Variants in APOLD1 observed in about 807,000 individuals in gnomAD.
The protein encoded by APOLD1 is apolipoprotein L domain containing 1.
Under a neutral mutation model 15.3 loss-of-function variants are expected in APOLD1, and 22 were observed. That is an observed-to-expected ratio of 1.44 (90% CI 1.03 to 2.05). APOLD1 has a LOEUF of 2.05. Ranked by LOEUF, APOLD1 falls within the 30% of genes most tolerant of loss-of-function variation. The pLI is 0.00. For missense variants in APOLD1, 394 were observed against 353.5 expected, an observed-to-expected ratio of 1.11 and a Z score of -0.92; for synonymous variants, 190 against 167.4, an observed-to-expected ratio of 1.13 and a Z score of -1.04.
chr12:12,754,212 A>AAAAAAAAAAAAAAT (rs71064322), intron 1 of APOLD1, among the ~76,000 whole-genome samples: 19 of 117,944 alleles, frequency 1.6e-4, no homozygotes, highest in East Asian at 1.5e-3. Context: ...CAAAAAAAAA[A>AAAAAAAAAAAAAAT]GGAAAAAGAA....
chr12:12,732,344 A>G (rs16908381), intron 1 of APOLD1, among the ~76,000 whole-genome samples: 13,311 of 152,282 alleles, frequency 0.087, 700 homozygotes, highest in South Asian at 0.14. Context: ...GTGATTGTTA[A>G]TTACTGCTGT....
chr12:12,749,701 A>G (rs567683647), intron 1 of APOLD1, among the ~76,000 whole-genome samples: 1 of 152,326 alleles, frequency 6.6e-6, no homozygotes, highest in African/African-American at 2.4e-5. Flanking sequence ...CAAGTGGCCC[A>G]TGGGAAACCT....
chr12:12,770,041 G>C (rs1946974162), intron 1 of APOLD1, among the ~76,000 whole-genome samples: 1 of 152,162 alleles, frequency 6.6e-6, no homozygotes, highest in Non-Finnish European at 1.5e-5. Context: ...CAGATGCTCT[G>C]GATAAAGTAG....
intron 1 of APOLD1, among the ~76,000 whole-genome samples, chr12:12,747,562 C>T (rs1055290768): frequency 6.6e-6 from 1 of 152,174 alleles, no homozygotes; most frequent in Non-Finnish European, 1.5e-5. Flanking sequence ...TCTCATTCCG[C>T]AGCTTGGTAT....
intron 1 of APOLD1, among the ~76,000 whole-genome samples, chr12:12,742,397 CTA>C: frequency 6.6e-6 from 1 of 152,212 alleles, no homozygotes; most frequent in Admixed American, 6.5e-5. Flanking sequence ...AGCTTTGCCT[CTA>C]AGCCTCCTTT....
In APOLD1 at chr12:12,759,488, T is replaced by C. The variant is rs192808664; in HGVS notation, c.97-27421T>C. On this transcript the variant is annotated intron_variant, in intron 1 of 1. Coordinates refer to the APOLD1 transcript ENST00000326765. ...GTAGGATGTGATATTGACTTAGGAA[T>C]AGACAAATATGTTGATGGAAATAAG... 4.5e-3 allele frequency among the ~76,000 whole-genome samples: 683 copies of C among 152,314 alleles called. 4 individuals are homozygous for C. Among genetic ancestry groups the C allele is most frequent in the Non-Finnish European group, 7.3e-3 (497 of 68,028 alleles).
chr12:12,767,950 TA>T (rs1310331158), intron 1 of APOLD1, among the ~76,000 whole-genome samples: 1 of 152,072 alleles, frequency 6.6e-6, no homozygotes, highest in Non-Finnish European at 1.5e-5. Context: ...CATGACTGGC[TA>T]ATTTTTTTAT....
chr12:12,756,008 ATTAG>A (rs1385832307), intron 1 of APOLD1, among the ~76,000 whole-genome samples: 6 of 152,182 alleles, frequency 3.9e-5, no homozygotes, highest in Admixed American at 3.3e-4. Context: ...TCTATATCCT[ATTAG>A]TTCTGTTTCT....
At chr12:12,771,698 T>G (rs540011385) in intron 1 of APOLD1, 4 of 431,620 alleles carry the variant, frequency 9.3e-6, no homozygotes, top group Admixed American at 8.6e-5. Context: ...AGCCAAGGGT[T>G]GGGCACTTCC....
intron 1 of APOLD1, among the ~76,000 whole-genome samples, chr12:12,726,655 C>G (rs1419841244): frequency 6.6e-6 from 1 of 152,178 alleles, no homozygotes; most frequent in Non-Finnish European, 1.5e-5. Context: ...ATATCCAGCA[C>G]TAGCCTTCTA....
intron 1 of APOLD1, among the ~76,000 whole-genome samples, chr12:12,776,003 CAA>C (rs34623976): frequency 5.1e-4 from 32 of 62,180 alleles, no homozygotes; most frequent in African/African-American, 1.4e-3. Flanking sequence ...GACCCAGTCT[CAA>C]AAAAAAAAAA....
At chr12:12,747,560 C>T (rs748897724) in intron 1 of APOLD1, among the ~76,000 whole-genome samples, 1 of 152,124 alleles carries the variant, frequency 6.6e-6, no homozygotes, top group East Asian at 1.9e-4. Context: ...GATCTCATTC[C>T]GCAGCTTGGT....
chr12:12,760,242 C>G (rs1946887609), intron 1 of APOLD1, among the ~76,000 whole-genome samples: 1 of 152,228 alleles, frequency 6.6e-6, no homozygotes, highest in African/African-American at 2.4e-5. Flanking sequence ...GGGAGGATCA[C>G]TTGAGCCTGG....
intron 1 of APOLD1, among the ~76,000 whole-genome samples, chr12:12,774,975 T>G (rs1262313051): frequency 1.3e-5 from 2 of 152,180 alleles, no homozygotes; most frequent in Non-Finnish European, 2.9e-5. Context: ...ATTGAAAACT[T>G]ATGTCCACAC....
chr12:12,731,803 C>A (rs1946643499), intron 1 of APOLD1, among the ~76,000 whole-genome samples: 1 of 152,190 alleles, frequency 6.6e-6, no homozygotes, highest in Admixed American at 6.5e-5. Context: ...CTCCTTTCTA[C>A]CTAAGGGTTA....
At position 12,789,529 on chromosome 12, in the gene APOLD1, T is replaced by G. The variant is rs1052200620; in HGVS notation, c.*1877T>G. The G allele has an allele frequency of 4.6e-5, 7 of 152,240 alleles. No homozygotes were observed. Among genetic ancestry groups the G allele is most frequent in the Non-Finnish European group, 8.8e-5 (6 of 68,044 alleles). The allele number at this position is 152,240 out of a possible 1,614,324, so 9.4% of individuals were successfully genotyped here. A position where few individuals can be genotyped will look rare whatever the true frequency, so the allele number is the denominator to read the frequency against. ...GAAAGATAAAAAGTTTAGAGGTATG[T>G]GAAGGAAGCACTTAGAACTTGCAAG... On this transcript the variant is annotated 3_prime_UTR_variant, in exon 2 of 2. Transcript: ENST00000356591.
chr12:12,759,707 C>G (rs945807974), intron 1 of APOLD1, among the ~76,000 whole-genome samples: 1 of 152,190 alleles, frequency 6.6e-6, no homozygotes, highest in African/African-American at 2.4e-5. Flanking sequence ...GCTGCCTTGA[C>G]GTCAGTATAT....
intron 1 of APOLD1, among the ~76,000 whole-genome samples, chr12:12,744,422 A>G (rs1946750710): frequency 6.6e-6 from 1 of 152,028 alleles, no homozygotes; most frequent in Non-Finnish European, 1.5e-5. Flanking sequence ...CAGCCTGGCT[A>G]ACATGGTGAA....
intron 1 of APOLD1, among the ~76,000 whole-genome samples, chr12:12,774,546 C>CAAAAAAAAAAAAAAA (rs57343706): frequency 2.0e-3 from 86 of 42,294 alleles, no homozygotes; most frequent in Non-Finnish European, 2.7e-3. Flanking sequence ...ACTCTAACTC[C>CAAAAAAAAAAAAAAA]AAAAAAAAAA....
Sources: allele counts gnomAD v4.1 joint callset (sites outside exome capture counted in the v4.1 genomes callset), GRCh38; gene constraint gnomAD v4.1.1; transcripts MANE v1.5; gene names NCBI Gene and HGNC (gene_info 2026-07-23, HGNC 2026-07-21).